PCDH15: variants seen among roughly 807,000 people sequenced by gnomAD.
PCDH15 encodes protocadherin related 15, also known as protocadherin-15.
In PCDH15, 129 loss-of-function variants were observed where a neutral mutation model predicts 178.5. The observed-to-expected ratio is 0.72, with a 90% CI of 0.63 to 0.84. The LOEUF is 0.84. Ranked by LOEUF, PCDH15 falls within the 40% of genes least tolerant of loss-of-function variation. The pLI is 0.00. For synonymous variants in PCDH15, 800 were observed against 732.0 expected (o/e 1.09, Z -1.50); for missense variants, 2,230 against 2,099.9 (o/e 1.06, Z -1.21).
At chr10:55,482,409 A>T (rs533289378) in intron 2 of PCDH15, among the ~76,000 whole-genome samples, 3 of 151,904 alleles carry the variant, frequency 2.0e-5, no homozygotes, top group African/African-American at 7.2e-5. Context: ...ATTGCTTTAT[A>T]GTGTCACTGA....
intron 1 of PCDH15, among the ~76,000 whole-genome samples, chr10:55,198,420 A>C (rs181820043): frequency 6.6e-6 from 1 of 152,210 alleles, no homozygotes; most frequent in East Asian, 1.9e-4. Context: ...TTGCTTTAAA[A>C]GTGCTGTTTT....
intron 1 of PCDH15, among the ~76,000 whole-genome samples, chr10:54,713,351 T>C (rs2095445285): frequency 6.6e-6 from 1 of 152,046 alleles, no homozygotes; most frequent in Admixed American, 6.6e-5. Flanking sequence ...TTGTACAACT[T>C]AATACTGTGA....
At chr10:54,534,182 AT>A (rs958973840) in intron 2 of PCDH15, among the ~76,000 whole-genome samples, 1 of 151,942 alleles carries the variant, frequency 6.6e-6, no homozygotes, top group African/African-American at 2.4e-5. Context: ...TGTTTTTTCT[AT>A]TTTTTTCCTT....
At chr10:54,620,485 A>AGTTT (rs2093320648) in intron 2 of PCDH15, among the ~76,000 whole-genome samples, 1 of 151,988 alleles carries the variant, frequency 6.6e-6, no homozygotes, top group Non-Finnish European at 1.5e-5. Context: ...TGGTTTCTAA[A>AGTTT]ACCGATTCTT....
intron 22 of PCDH15, 59 bp downstream of exon 22, chr10:53,961,693 C>T (rs754860684): frequency 1.7e-4 from 231 of 1,361,938 alleles, no homozygotes; most frequent in Non-Finnish European, 2.2e-4. Context: ...TCTGTTAAGC[C>T]AAATTCTCTA....
At chr10:55,582,138 C>T (rs921439233) in intron 2 of PCDH15, among the ~76,000 whole-genome samples, 4 of 152,170 alleles carry the variant, frequency 2.6e-5, no homozygotes, top group Non-Finnish European at 5.9e-5. Context: ...TGTCCGGGTT[C>T]CACCCACAGG....
In PCDH15 at chr10:54,960,270, T is replaced by C. The variant is rs144957292; in HGVS notation, c.-79-62770A>G. 5.3e-5 allele frequency among the ~76,000 whole-genome samples: 8 copies of C among 152,250 alleles called. No homozygotes were observed. In the East Asian group the frequency reaches 1.5e-3, roughly 29 times the overall value. ...TGCCTTAGTGTGATTACATATAATATAGAAATAAAAATACCAGGCTGACTT... is the reference window on the plus strand; with the variant it reads ...TGCCTTAGTGTGATTACATATAATACAGAAATAAAAATACCAGGCTGACTT... On this transcript the variant is annotated intron_variant, in intron 2 of 5. Coordinates refer to the PCDH15 transcript ENST00000458638.
At chr10:54,372,565 A>G (rs1358898197) in intron 4 of PCDH15, among the ~76,000 whole-genome samples, 2 of 151,944 alleles carry the variant, frequency 1.3e-5, no homozygotes, top group Admixed American at 1.3e-4. Context: ...ATAAAAGTAC[A>G]GTTCTAATAA....
chr10:55,049,209 C>T (rs1252325936), intron 2 of PCDH15, among the ~76,000 whole-genome samples: 2 of 151,864 alleles, frequency 1.3e-5, no homozygotes, highest in African/African-American at 4.8e-5. Flanking sequence ...TTGTGAATTG[C>T]AAAATAAGTT....
rs566505964 is a variant in PCDH15, at chr10:55,144,375, A to G, written c.-80+22201T>C. Among the ~76,000 whole-genome samples, 16 of 152,184 alleles carry G rather than the reference A, an allele frequency of 1.1e-4. No individual in the cohort carries two copies. The East Asian group carries it at 2.9e-3, about 28-fold the overall frequency. On this transcript the variant is annotated intron_variant, in intron 2 of 5. Transcript: ENST00000458638. ...TTTGTCTGCATGGAAGCAATATACA[A>G]TTAAGAATTGGTGTACACTACTGGC... is the stretch of plus-strand genomic sequence containing the variant.
chr10:53,833,068 ACTT>A (rs1215741221), intron 29 of PCDH15, among the ~76,000 whole-genome samples: 1 of 152,066 alleles, frequency 6.6e-6, no homozygotes, highest in South Asian at 2.1e-4. Context: ...GAATAGTGAA[ACTT>A]CTTGTTTGAA....
chr10:54,388,490 T>C (rs1270583846), intron 3 of PCDH15, among the ~76,000 whole-genome samples: 1 of 152,178 alleles, frequency 6.6e-6, no homozygotes, highest in African/African-American at 2.4e-5. Flanking sequence ...AGGGCATGCC[T>C]TCGTGACCTC....
chr10:54,742,533 A>G (rs1336199), intron 1 of PCDH15, among the ~76,000 whole-genome samples: 34,047 of 151,908 alleles, frequency 0.22, 4,153 homozygotes, highest in East Asian at 0.34. Context: ...AGACCTTGCC[A>G]TGTTAAGTGA....
intron 15 of PCDH15, among the ~76,000 whole-genome samples, chr10:54,122,891 G>A (rs61858433): frequency 2.7e-5 from 4 of 148,864 alleles, no homozygotes; most frequent in African/African-American, 4.9e-5. Flanking sequence ...AAAAAAAAGG[G>A]AACCCTTGAC....
chr10:55,443,559 A>T (rs1839245346), intron 2 of PCDH15, among the ~76,000 whole-genome samples: 1 of 152,206 alleles, frequency 6.6e-6, no homozygotes, highest in African/African-American at 2.4e-5. Flanking sequence ...GTCATTAGAG[A>T]AATGCAAATC....
chr10:54,763,520 A>T (rs1292131840), intron 1 of PCDH15, among the ~76,000 whole-genome samples: 1 of 152,080 alleles, frequency 6.6e-6, no homozygotes, highest in East Asian at 1.9e-4. Context: ...ACAGTTAGGT[A>T]GAAGAAATAA....
At chr10:55,568,648 G>C (rs549714752) in intron 2 of PCDH15, among the ~76,000 whole-genome samples, 1 of 151,878 alleles carries the variant, frequency 6.6e-6, no homozygotes, top group Admixed American at 6.6e-5. Flanking sequence ...ACATGTTATC[G>C]GGACTTCCAA....
chr10:54,513,563 T>C (rs2081922459), intron 3 of PCDH15, among the ~76,000 whole-genome samples: 1 of 152,196 alleles, frequency 6.6e-6, no homozygotes, highest in African/African-American at 2.4e-5. Flanking sequence ...GTCATCATTG[T>C]AGACATGACA....
At chr10:55,434,261 G>A (rs375652887) in intron 2 of PCDH15, among the ~76,000 whole-genome samples, 1 of 151,100 alleles carries the variant, frequency 6.6e-6, no homozygotes, top group African/African-American at 2.4e-5. Context: ...TAGTAGAGAC[G>A]GGGTTTCACT....
Sources: allele counts gnomAD v4.1 joint callset (sites outside exome capture counted in the v4.1 genomes callset), GRCh38; gene constraint gnomAD v4.1.1; transcripts MANE v1.5; gene names NCBI Gene and HGNC (gene_info 2026-07-23, HGNC 2026-07-21).